MRPL54: variants seen among roughly 807,000 people sequenced by gnomAD.
MRPL54 encodes large ribosomal subunit protein mL54.
A neutral mutation model predicts 15.6 loss-of-function variants in MRPL54; 12 were observed. The ratio of observed to expected loss-of-function variants is 0.77; its 90% CI spans 0.49 to 1.24. MRPL54 has a LOEUF of 1.24. MRPL54 is among the 50% of genes most tolerant of loss of function. MRPL54 has a pLI of 0.00. For missense variants in MRPL54, 178 were observed against 186.8 expected, an observed-to-expected ratio of 0.95 and a Z score of 0.28; for synonymous variants, 91 against 75.7, an observed-to-expected ratio of 1.20 and a Z score of -1.05.
chr19:3,762,867 A>C (rs199558576), intron 1 of MRPL54, 49 bp downstream of exon 1: 2 of 1,397,080 alleles, frequency 1.4e-6, no homozygotes, highest in Non-Finnish European at 1.9e-6. Context: ...TGCACTGAGG[A>C]ATTGACAGTG....
chr19:3,762,958 C>A, intron 1 of MRPL54, 140 bp downstream of exon 1: 1 of 704,438 alleles, frequency 1.4e-6, no homozygotes, highest in Non-Finnish European at 2.3e-6. Context: ...TGCGCAGGCG[C>A]AGTTTGAGGG....
Position 3,767,431 on chromosome 19 carries a change from G to C in MRPL54, c.*38G>C. ...GGCATCGCTGACCCCCACGCCGAGG[G>C]CTTGCCGTTTTCCCGGAGGACGTGG... On this transcript the variant is annotated 3_prime_UTR_variant, in exon 3 of 3. Coordinates refer to ENST00000330133, the MANE Select transcript of MRPL54 (RefSeq NM_172251.3). The C allele has an allele frequency of 1.3e-6, 2 of 1,595,166 alleles. No homozygotes were observed. The highest frequency in any genetic ancestry group is 1.7e-6 in the Non-Finnish European group (2 of 1,174,572).
chr19:3,766,213 GA>G (rs2037197054), intron 2 of MRPL54, among the ~76,000 whole-genome samples: 1 of 152,012 alleles, frequency 6.6e-6, no homozygotes, highest in Non-Finnish European at 1.5e-5. Context: ...GAGTAGCTGG[GA>G]TTACAGGTGC....
chr19:3,765,607 T>A (rs184096834), intron 2 of MRPL54, among the ~76,000 whole-genome samples: 34 of 151,646 alleles, frequency 2.2e-4, no homozygotes, highest in Admixed American at 9.8e-4. Context: ...TTAAAAAAAA[T>A]TTTTTTTCAG....
chr19:3,766,325 T>TG (rs1195746893), intron 2 of MRPL54, among the ~76,000 whole-genome samples: 6 of 152,088 alleles, frequency 3.9e-5, no homozygotes, highest in African/African-American at 1.4e-4. Context: ...GTGATCCGCC[T>TG]GCCCTGGCCT....
At chr19:3,766,646 C>G (rs544123404) in intron 2 of MRPL54, among the ~76,000 whole-genome samples, 51 of 152,306 alleles carry the variant, frequency 3.3e-4, no homozygotes, top group African/African-American at 1.2e-3. Context: ...AGGAGGAAGT[C>G]AGGCAGCTGT....
At chr19:3,762,857 T>G in intron 1 of MRPL54, 39 bp downstream of exon 1, 1 of 1,449,790 alleles carries the variant, frequency 6.9e-7, no homozygotes, top group South Asian at 1.3e-5. Flanking sequence ...GGACGGTGGG[T>G]GCACTGAGGA....
intron 1 of MRPL54, among the ~76,000 whole-genome samples, chr19:3,763,068 G>A (rs1437945779): frequency 6.6e-6 from 1 of 152,246 alleles, no homozygotes; most frequent in Non-Finnish European, 1.5e-5. Context: ...CCTGGGAGGA[G>A]GATGTGGTTA....
rs564027825 is a variant in MRPL54 at position 3,764,824 on chromosome 19, C to A, written c.119-342C>A. 4.0e-5 allele frequency among the ~76,000 whole-genome samples: 6 copies of A among 151,760 alleles called. No individual in the cohort carries two copies. In the East Asian group the frequency reaches 5.9e-4, roughly 15 times the overall value. On this transcript the variant is annotated intron_variant, in intron 1 of 2. Coordinates refer to ENST00000330133, the MANE Select transcript of MRPL54 (RefSeq NM_172251.3). Reference sequence around the variant, plus strand: ...TGGGCAGATCACGAGGTCAGGAGATCGAGACCATCCTGGCTAACACGGTGA... The same window carrying A: ...TGGGCAGATCACGAGGTCAGGAGATAGAGACCATCCTGGCTAACACGGTGA...
intron 1 of MRPL54, among the ~76,000 whole-genome samples, chr19:3,764,085 T>G (rs1209915467): frequency 6.6e-6 from 1 of 151,914 alleles, no homozygotes; most frequent in Non-Finnish European, 1.5e-5. Context: ...TATTTTTTAT[T>G]TTTTTATTTT....
intron 2 of MRPL54, among the ~76,000 whole-genome samples, chr19:3,766,572 C>G (rs978861021): frequency 6.6e-6 from 1 of 152,236 alleles, no homozygotes; most frequent in African/African-American, 2.4e-5. Flanking sequence ...TTGAGGGATA[C>G]AGAAGGGCTC....
chr19:3,766,345 C>G lies in MRPL54; in HGVS notation c.285-916C>G, dbSNP rs560929454. Among the ~76,000 whole-genome samples the G allele has an allele frequency of 3.9e-5, 6 of 152,290 alleles. No homozygotes were observed. The South Asian group carries it at 1.2e-3, about 32-fold the overall frequency. The stretch of plus-strand genomic sequence containing the variant: ...CCGCCTGCCCTGGCCTCCCAAAGTG[C>G]TGGGATTACAGGCGTGAGCCACCAC... On this transcript the variant is annotated intron_variant, in intron 2 of 2. Coordinates refer to ENST00000330133, the MANE Select transcript of MRPL54 (RefSeq NM_172251.3).
At chr19:3,763,544 G>T (rs1336066843) in intron 1 of MRPL54, among the ~76,000 whole-genome samples, 1 of 151,862 alleles carries the variant, frequency 6.6e-6, no homozygotes, top group Non-Finnish European at 1.5e-5. Flanking sequence ...GGAAGCCAAG[G>T]AGGGAGGATC....
chr19:3,764,234 C>G (rs1345895684), intron 1 of MRPL54, among the ~76,000 whole-genome samples: 1 of 151,418 alleles, frequency 6.6e-6, no homozygotes, highest in African/African-American at 2.4e-5. Flanking sequence ...AGGTGCCCAC[C>G]ACCATGCCCG....
chr19:3,762,871 G>A lies in MRPL54; in HGVS notation c.118+53G>A, dbSNP rs1050157906. ...GGGACGGTGGGTGCACTGAGGAATT[G>A]ACAGTGCGCAGGCGGTGGTTGGGGA... On this transcript the variant is annotated intron_variant, in intron 1 of 2. Transcript: ENST00000330133. 2.2e-5 allele frequency: 30 copies of A among 1,366,366 alleles called. No homozygotes were observed. The African/African-American group carries it at 4.2e-4, about 19-fold the overall frequency. 84.6% of individuals were successfully genotyped at this position (1,366,366 alleles called of 1,614,324 possible).
In MRPL54 at chr19:3,762,783, G is replaced by A. The variant is rs2037162547; in HGVS notation, c.83G>A (p.Gly28Glu). 1 of 1,604,794 alleles carries A rather than the reference G, an allele frequency of 6.2e-7. No homozygotes were observed. Among genetic ancestry groups the A allele is most frequent in the Non-Finnish European group, 8.5e-7 (1 of 1,175,782 alleles). The change falls in exon 1 of 3, where the codon GGA becomes GAA. Residue 28 changes from glycine (G) to glutamate (E), a missense_variant. Coordinates refer to ENST00000330133, the MANE Select transcript of MRPL54 (RefSeq NM_172251.3). ...AWELLNPATS[G>E]RLLARDYAKK... ...GAGCTCCTAAACCCCGCCACTTCCG[G>A]AAGACTCCTGGCCCGGGATTATGCC...
chr19:3,763,506 G>A (rs953329980), intron 1 of MRPL54, among the ~76,000 whole-genome samples: 37 of 152,068 alleles, frequency 2.4e-4, no homozygotes, highest in African/African-American at 8.5e-4. Flanking sequence ...CAGGCATGAT[G>A]GCTCACACCT....
chr19:3,763,586 C>T (rs2037171850), intron 1 of MRPL54, among the ~76,000 whole-genome samples: 2 of 149,526 alleles, frequency 1.3e-5, no homozygotes, highest in African/African-American at 5.0e-5. Flanking sequence ...CGAGACCAGC[C>T]TGGGCAACAT....
rs200308520 is a variant in MRPL54, at chr19:3,762,752, G to T, written c.52G>T (p.Ala18Ser). The T allele has an allele frequency of 4.9e-5, 79 of 1,610,562 alleles. No individual in the cohort carries two copies. In the East Asian group the frequency reaches 1.6e-3, roughly 32 times the overall value. The change falls in exon 1 of 3, where the codon GCC (alanine) becomes TCC (serine). Residue 18 changes from alanine to serine, a missense_variant. Transcript: ENST00000330133. The part of the protein sequence containing the change: ...GATRTWAGWG[A>S]WELLNPATSG... Reference sequence around the variant, plus strand: ...TACCCGGACGTGGGCCGGCTGGGGGGCCTGGGAGCTCCTAAACCCCGCCAC... The same window carrying T: ...TACCCGGACGTGGGCCGGCTGGGGGTCCTGGGAGCTCCTAAACCCCGCCAC...
Sources: allele counts gnomAD v4.1 joint callset (sites outside exome capture counted in the v4.1 genomes callset), GRCh38; gene constraint gnomAD v4.1.1; transcripts MANE v1.5; gene names NCBI Gene and HGNC (gene_info 2026-07-23, HGNC 2026-07-21).